RAPGEF3: variants seen among roughly 807,000 people sequenced by gnomAD.
RAPGEF3 encodes the protein 9330170P05Rik.
In RAPGEF3, 103 loss-of-function variants were observed where a neutral mutation model predicts 129.8. The ratio of observed to expected loss-of-function variants is 0.79; its 90% CI spans 0.68 to 0.93. RAPGEF3 has a LOEUF of 0.93. RAPGEF3 is among the 40% of genes least tolerant of loss of function. The pLI is 0.00. For synonymous variants in RAPGEF3, 436 were observed against 482.6 expected (o/e 0.90, Z 1.26); for missense variants, 1,117 against 1,207.4 (o/e 0.93, Z 1.11).
rs536073548 is a variant in RAPGEF3, at chr12:47,749,327, C to CCT, written c.1041+61_1041+62dup. The CCT allele has an allele frequency of 6.4e-4, 1,029 of 1,597,600 alleles. No individual in the cohort carries two copies. The highest frequency in any genetic ancestry group is 7.7e-4 in the Non-Finnish European group (909 of 1,173,986). ...CAGGCCCTCTGCTCTGGTCCCTACT[C>CCT]CTCTCTCCACATCACTTCTCTGGAC... On this transcript the variant is annotated intron_variant, in intron 10 of 27. Coordinates refer to ENST00000449771, the MANE Select transcript of RAPGEF3 (RefSeq NM_001098531.4). The surrounding 1 kb of genome is among the most constrained non-coding windows in gnomAD (Gnocchi z 4.5).
chr12:47,743,390 A>G (rs1592545405), intron 18 of RAPGEF3, 140 bp downstream of exon 18: 2 of 1,165,430 alleles, frequency 1.7e-6, no homozygotes, highest in Non-Finnish European at 2.4e-6. Flanking sequence ...GACGCACTCC[A>G]CCTCCCATTA....
intron 18 of RAPGEF3, 35 bp downstream of exon 18, chr12:47,743,495 C>T (rs774391395): frequency 1.3e-6 from 2 of 1,585,020 alleles, no homozygotes; most frequent in South Asian, 1.1e-5. Context: ...CGAGGGGCCA[C>T]CCTCCCTTGG....
At position 47,737,046 on chromosome 12, in the gene RAPGEF3, G is replaced by A. The variant is rs1565744935; in HGVS notation, c.*521C>T. 1 of 163,004 alleles carries A rather than the reference G, an allele frequency of 6.1e-6. No individual in the cohort carries two copies. The highest frequency in any genetic ancestry group is 1.3e-5 in the Non-Finnish European group (1 of 75,890). The allele number at this position is 163,004 out of a possible 1,614,324, so 10.1% of individuals were successfully genotyped here. ...TTGACAGTAACAATAAAGCTCCTCA[G>A]GGACCACCGCACAGGCCCGCAGCCC... On this transcript the variant is annotated 3_prime_UTR_variant, in exon 28 of 28. Transcript: ENST00000449771.
rs1940813695 is a variant in RAPGEF3, at chr12:47,736,768, G to A, written c.*799C>T. The A allele has an allele frequency of 6.6e-6, 1 of 152,372 alleles. No individual in the cohort carries two copies. Among genetic ancestry groups the A allele is most frequent in the Non-Finnish European group, 1.5e-5 (1 of 68,162 alleles). 9.4% of individuals were successfully genotyped at this position (152,372 alleles called of 1,614,324 possible). ...TGGGAAGAAGCTGTCAGTTGCATCT[G>A]GACTGTAAAGTCCTATTGGACCACC... On this transcript the variant is annotated 3_prime_UTR_variant, in exon 28 of 28. Coordinates refer to ENST00000449771, the MANE Select transcript of RAPGEF3 (RefSeq NM_001098531.4).
rs1031201222 is a variant in RAPGEF3, at chr12:47,735,446, T to G, written c.*2121A>C. 11 of 152,218 alleles carry G rather than the reference T, an allele frequency of 7.2e-5. No individual in the cohort carries two copies. The highest frequency in any genetic ancestry group is 2.7e-4 in the African/African-American group (11 of 41,424). The allele number at this position is 152,218 out of a possible 1,614,324, so 9.4% of individuals were successfully genotyped here. A position where few individuals can be genotyped will look rare whatever the true frequency, so the allele number is the denominator to read the frequency against. ...CCCCGCTTTTGGGCCTCCTGTCCTC[T>G]GGGAGTGGCCTGGCCCCCTGGGCCG... is the stretch of plus-strand genomic sequence containing the variant. On this transcript the variant is annotated 3_prime_UTR_variant, in exon 28 of 28. Coordinates refer to ENST00000449771, the MANE Select transcript of RAPGEF3 (RefSeq NM_001098531.4).
intron 18 of RAPGEF3, 100 bp downstream of exon 18, chr12:47,743,430 C>T: frequency 6.9e-7 from 1 of 1,444,814 alleles, no homozygotes; most frequent in South Asian, 1.3e-5. Context: ...CTGAGGAAGA[C>T]CAGAAAGATG....
chr12:47,740,405 G>A lies in RAPGEF3; in HGVS notation c.2232-10C>T. 2 of 1,613,242 alleles carry A rather than the reference G, an allele frequency of 1.2e-6. No individual in the cohort carries two copies. The highest frequency in any genetic ancestry group is 2.2e-5 in the South Asian group (2 of 91,054). On this transcript the variant is annotated splice_polypyrimidine_tract_variant and intron_variant, in intron 21 of 27. Transcript: ENST00000449771. The stretch of plus-strand genomic sequence containing the variant: ...CTTCTGCTCCTTGAGGCTGTGAGCA[G>A]AAGACCCAGAGACCCTCAGGGTAAG...
chr12:47,751,256 T>C, intron 5 of RAPGEF3, 40 bp from the exon 6 acceptor site: 1 of 1,546,336 alleles, frequency 6.5e-7, no homozygotes, highest in Non-Finnish European at 8.7e-7. Context: ...GGAGAGGAAA[T>C]TGAGGCTATG....
At chr12:47,758,136 C>T in intron 1 of RAPGEF3, 58 bp from the exon 2 acceptor site, 6 of 1,522,048 alleles carry the variant, frequency 3.9e-6, no homozygotes, top group Non-Finnish European at 5.3e-6. Flanking sequence ...GGCTGGGCCA[C>T]AGTACAACTG....
intron 24 of RAPGEF3, 131 bp from the exon 25 acceptor site, chr12:47,738,885 G>A: frequency 2.3e-6 from 2 of 851,692 alleles, no homozygotes; most frequent in Non-Finnish European, 3.9e-6. Context: ...CCCCCTCCAA[G>A]CCCCAGCAGC....
chr12:47,736,854 C>G lies in RAPGEF3; in HGVS notation c.*713G>C, dbSNP rs533709090. 3 of 152,526 alleles carry G rather than the reference C, an allele frequency of 2.0e-5. No homozygotes were observed. Among genetic ancestry groups the G allele is most frequent in the African/African-American group, 7.2e-5 (3 of 41,596 alleles). The allele number at this position is 152,526 out of a possible 1,614,324, so 9.4% of individuals were successfully genotyped here. A position where few individuals can be genotyped will look rare whatever the true frequency, so the allele number is the denominator to read the frequency against. ...CAGGGGCTCCAGGCTCCAGCCCGCC[C>G]TTTGGCCAGAGCCCTGGAGGCACAT... On this transcript the variant is annotated 3_prime_UTR_variant, in exon 28 of 28. Coordinates refer to ENST00000449771, the MANE Select transcript of RAPGEF3 (RefSeq NM_001098531.4).
chr12:47,740,979 C>T lies in RAPGEF3; in HGVS notation c.1985G>A (p.Ser662Asn). The T allele has an allele frequency of 1.2e-6, 2 of 1,613,642 alleles. No individual in the cohort carries two copies. Among genetic ancestry groups the T allele is most frequent in the Non-Finnish European group, 1.7e-6 (2 of 1,179,880 alleles). Residue 662 changes from serine (S) to asparagine (N), a missense_variant, in exon 20 of 28, where the codon AGT becomes AAT. Physicochemically the swap from Ser to Asn is conservative, Grantham distance 46. Coordinates refer to ENST00000449771, the MANE Select transcript of RAPGEF3 (RefSeq NM_001098531.4). Reference protein sequence around the residue: ...VGSAEGLDLVSAKDLAGQLTD... With the variant: ...VGSAEGLDLVNAKDLAGQLTD... ...CAGCTGGCCTGCCAGGTCCTTGGCACTCACCAGGTCCAGCCCCTCAGCAGA... is the reference window on the plus strand; with the variant it reads ...CAGCTGGCCTGCCAGGTCCTTGGCATTCACCAGGTCCAGCCCCTCAGCAGA...
intron 4 of RAPGEF3, 82 bp downstream of exon 4, chr12:47,751,641 G>C: frequency 6.3e-7 from 1 of 1,598,726 alleles, no homozygotes; most frequent in Non-Finnish European, 8.6e-7. Flanking sequence ...TAGAAGCAGG[G>C]TGAGGCCCAG....
intron 15 of RAPGEF3, 61 bp from the exon 16 acceptor site, chr12:47,746,960 G>T (rs1941457973): frequency 1.5e-5 from 23 of 1,498,114 alleles, no homozygotes; most frequent in Non-Finnish European, 1.9e-5. Context: ...GCAGCAGGGA[G>T]GCCCTTGGGG....
chr12:47,741,775 G>A (rs758298136), intron 18 of RAPGEF3, 173 bp from the exon 19 acceptor site: 68 of 619,602 alleles, frequency 1.1e-4, no homozygotes, highest in Admixed American at 4.7e-4. Flanking sequence ...ACGCAGCCAC[G>A]CAGCCCAGGG....
chr12:47,757,798 G>A, intron 2 of RAPGEF3, 68 bp downstream of exon 2: 2 of 1,424,970 alleles, frequency 1.4e-6, no homozygotes, highest in Non-Finnish European at 1.9e-6. Flanking sequence ...AGCATGCCAA[G>A]CCATGATCTA....
chr12:47,744,101 G>C (rs892786638), intron 16 of RAPGEF3, 33 bp from the exon 17 acceptor site: 2 of 1,528,214 alleles, frequency 1.3e-6, no homozygotes, highest in African/African-American at 2.7e-5. Context: ...AATAAGGCTG[G>C]GAGGACATGA....
rs910547004 is a variant in RAPGEF3 at position 47,751,962 on chromosome 12, A to T, written c.227T>A (p.Leu76His). Residue 76 changes from leucine to histidine, a missense_variant, in exon 3 of 28, where the codon CTC (leucine) becomes CAC (histidine). This residue lies in a region of RAPGEF3 where 367 missense variants were observed against 373.4 expected (regional missense o/e 0.98). Coordinates refer to ENST00000449771, the MANE Select transcript of RAPGEF3 (RefSeq NM_001098531.4). ...SCIQGLRWTPLTNSEESLDFS... is the reference protein window; with the variant it reads ...SCIQGLRWTPHTNSEESLDFS... The stretch of plus-strand genomic sequence containing the variant: ...ATCCAGGGACTCCTCGCTGTTGGTG[A>T]GTGGTGTCTGGGGGCAGCAGGGAAA... The T allele has an allele frequency of 3.7e-6, 6 of 1,613,862 alleles. No individual in the cohort carries two copies. Among genetic ancestry groups the T allele is most frequent in the Non-Finnish European group, 5.1e-6 (6 of 1,179,992 alleles).
At chr12:47,743,341 C>G (rs1269784712) in intron 18 of RAPGEF3, among the ~76,000 whole-genome samples, 189 bp downstream of exon 18, 1 of 152,260 alleles carries the variant, frequency 6.6e-6, no homozygotes, top group African/African-American at 2.4e-5. Flanking sequence ...GGCTCCAGAG[C>G]TCATGCTCTT....
Sources: gnomAD v4.1 joint callset for allele counts (sites outside exome capture counted in the v4.1 genomes callset) on GRCh38, gnomAD v4.1.1 for gene constraint, gnomAD v4.1.1 regional missense constraint, Gnocchi (gnomAD v3.1) non-coding constraint, MANE v1.5 for transcripts, NCBI Gene and HGNC (gene_info 2026-07-23, HGNC 2026-07-21) for gene names.